Variants in RBL1 observed in about 807,000 individuals in gnomAD.
RBL1 encodes the protein retinoblastoma-like protein 1.
In RBL1, 82 loss-of-function variants were observed where a neutral mutation model predicts 123.0. The ratio of observed to expected loss-of-function variants is 0.67; its 90% CI spans 0.56 to 0.80. The LOEUF is 0.80. Among genes scored for constraint, RBL1 ranks in the 30% least tolerant of loss-of-function variants. RBL1 has a pLI of 0.00. For synonymous variants in RBL1, 405 were observed against 441.3 expected, an observed-to-expected ratio of 0.92 and a Z score of 1.03; for missense variants, 1,171 against 1,299.6, an observed-to-expected ratio of 0.90 and a Z score of 1.52.
Position 37,012,544 on chromosome 20 carries a change from T to C in RBL1, c.2723-4985A>G, listed in dbSNP as rs561004339. On this transcript the variant is annotated intron_variant, in intron 19 of 21. Coordinates refer to ENST00000373664, the MANE Select transcript of RBL1 (RefSeq NM_002895.5). The stretch of plus-strand genomic sequence containing the variant: ...CCGTCTGGGATGTGAGGAGCGCCTC[T>C]ACCCGGCCGCGACCCCGTCTGGGAG... 2.0e-5 allele frequency among the ~76,000 whole-genome samples: 3 copies of C among 148,552 alleles called. No homozygotes were observed. In the East Asian group the frequency reaches 6.0e-4, roughly 30 times the overall value.
chr20:37,068,661 TTATTCTC>T (rs2065223803), intron 2 of RBL1, among the ~76,000 whole-genome samples: 1 of 152,150 alleles, frequency 6.6e-6, no homozygotes, highest in African/African-American at 2.4e-5. Context: ...TCTACTTCCT[TTATTCTC>T]TATATTACCT....
rs973564484 is a variant in RBL1, at chr20:36,998,384, C to T, written c.*375G>A. 13 of 157,318 alleles carry T rather than the reference C, an allele frequency of 8.3e-5. No individual in the cohort carries two copies. Among genetic ancestry groups the T allele is most frequent in the Non-Finnish European group, 1.8e-4 (13 of 71,476 alleles). The allele number at this position is 157,318 out of a possible 1,614,324, so 9.7% of individuals were successfully genotyped here. A position where few individuals can be genotyped will look rare whatever the true frequency, so the allele number is the denominator to read the frequency against. On this transcript the variant is annotated 3_prime_UTR_variant, in exon 22 of 22. Coordinates refer to ENST00000373664, the MANE Select transcript of RBL1 (RefSeq NM_002895.5). ...GGATTACAGGCATGCGCCACCACAC[C>T]CGGCTAATTTTGTATTTTTAGTAGA... is the stretch of plus-strand genomic sequence containing the variant.
At chr20:37,077,364 A>C (rs1342702401) in intron 2 of RBL1, among the ~76,000 whole-genome samples, 3 of 152,230 alleles carry the variant, frequency 2.0e-5, no homozygotes, top group Non-Finnish European at 1.5e-5. Flanking sequence ...GAAGGTGTTT[A>C]TTAGATGAAA....
At chr20:37,067,909 A>G in intron 3 of RBL1, 77 bp downstream of exon 3, 1 of 1,485,560 alleles carries the variant, frequency 6.7e-7, no homozygotes. Context: ...TTCATAAAAA[A>G]CAGACTTTCA....
chr20:37,035,583 G>T (rs1395298175), intron 14 of RBL1, 75 bp from the exon 15 acceptor site: 5 of 1,258,012 alleles, frequency 4.0e-6, no homozygotes, highest in Non-Finnish European at 2.1e-6. Context: ...TCACTCAACA[G>T]ATAGTGAGTT....
rs183354482 is a variant in RBL1 at position 37,046,982 on chromosome 20, C to G, written c.1605+71G>C. ...ATCACAACAGTGTTTTTCTTCAGCA[C>G]TAAGATAAATACAATGTTTCTGTGA... On this transcript the variant is annotated intron_variant, in intron 12 of 21. Coordinates refer to ENST00000373664, the MANE Select transcript of RBL1 (RefSeq NM_002895.5). 12 of 1,482,124 alleles carry G rather than the reference C, an allele frequency of 8.1e-6. No homozygotes were observed. In the African/African-American group the frequency reaches 1.4e-4, roughly 18 times the overall value. 91.8% of individuals were successfully genotyped at this position (1,482,124 alleles called of 1,614,324 possible).
Position 37,060,734 on chromosome 20 carries a change from G to A in RBL1, c.1250+369C>T, listed in dbSNP as rs1240128706. On this transcript the variant is annotated intron_variant, in intron 9 of 21. Transcript: ENST00000373664. ...GGAGGTGGAGGCTGCAGTGAGCTGTGATTGCGGCACTGCACTCCAGCCTGG... is the reference window on the plus strand; with the variant it reads ...GGAGGTGGAGGCTGCAGTGAGCTGTAATTGCGGCACTGCACTCCAGCCTGG... Among the ~76,000 whole-genome samples the A allele has an allele frequency of 3.3e-5, 5 of 151,694 alleles. No homozygotes were observed. The South Asian group carries it at 6.2e-4, about 19-fold the overall frequency.
At chr20:37,044,389 G>A (rs2064783399) in intron 12 of RBL1, 139 bp from the exon 13 acceptor site, 6 of 762,678 alleles carry the variant, frequency 7.9e-6, no homozygotes, top group Non-Finnish European at 8.1e-6. Context: ...CCAGGCTGGA[G>A]TACAGTGGTG....
chr20:36,999,210 C>T (rs1488502414), intron 21 of RBL1, among the ~76,000 whole-genome samples: 2 of 151,830 alleles, frequency 1.3e-5, no homozygotes, highest in Non-Finnish European at 2.9e-5. Flanking sequence ...AGTTTCAGAC[C>T]AGCCTGGGCA....
intron 12 of RBL1, among the ~76,000 whole-genome samples, chr20:37,045,949 ATTAGTC>A (rs2064811968): frequency 6.6e-6 from 1 of 152,238 alleles, no homozygotes; most frequent in Admixed American, 6.5e-5. Context: ...TAACAGTAGC[ATTAGTC>A]TTAAAGTTCG....
intron 10 of RBL1, among the ~76,000 whole-genome samples, chr20:37,055,874 C>T (rs899265195): frequency 1.4e-4 from 22 of 152,130 alleles, no homozygotes; most frequent in African/African-American, 5.1e-4. Flanking sequence ...CATGGTGAAA[C>T]TCCATCTCTA....
chr20:37,051,242 C>T (rs905563265), intron 11 of RBL1, among the ~76,000 whole-genome samples: 14 of 151,528 alleles, frequency 9.2e-5, no homozygotes, highest in African/African-American at 1.5e-4. Flanking sequence ...AGTGCAATGG[C>T]GTGATCTCAG....
At chr20:37,034,029 C>T (rs1029333323) in intron 15 of RBL1, among the ~76,000 whole-genome samples, 4 of 149,898 alleles carry the variant, frequency 2.7e-5, no homozygotes, top group Admixed American at 2.0e-4. Flanking sequence ...GCCTCAAATT[C>T]CTGGGCTCAA....
chr20:37,056,490 G>A (rs1171566995), intron 9 of RBL1, among the ~76,000 whole-genome samples: 1 of 151,830 alleles, frequency 6.6e-6, no homozygotes, highest in Non-Finnish European at 1.5e-5. Flanking sequence ...AAGTAGCTGG[G>A]ATTATAGGCG....
In RBL1 at chr20:37,007,426, C is replaced by T. The variant is rs370502068; in HGVS notation, c.2856G>A (p.Ala952=). ...VKSFALKYDL[A]NQDHMMDAPP... ...TAGAACATACCATATGGTCCTGATT[C>T]GCCAAGTCGTATTTCAGTGCAAATG... Residue 952 remains alanine, a synonymous_variant, in exon 20 of 22, where the codon GCG becomes GCA. Transcript: ENST00000373664. 5 of 1,613,618 alleles carry T rather than the reference C, an allele frequency of 3.1e-6. No homozygotes were observed. Among genetic ancestry groups the T allele is most frequent in the South Asian group, 1.1e-5 (1 of 90,970 alleles).
At chr20:37,021,389 AAC>A (rs1395693785) in intron 17 of RBL1, among the ~76,000 whole-genome samples, 4 of 152,116 alleles carry the variant, frequency 2.6e-5, no homozygotes, top group Admixed American at 1.3e-4. Context: ...CCTGAACTCT[AAC>A]AGTCTTCTGG....
At chr20:37,043,186 A>ACACACAC (rs1380494373) in intron 13 of RBL1, among the ~76,000 whole-genome samples, 1 of 151,026 alleles carries the variant, frequency 6.6e-6, no homozygotes, top group Non-Finnish European at 1.5e-5. Flanking sequence ...ACACACACAC[A>ACACACAC]ATTAGCCGGG....
intron 16 of RBL1, 94 bp downstream of exon 16, chr20:37,032,571 A>G: frequency 6.5e-7 from 1 of 1,541,216 alleles, no homozygotes; most frequent in East Asian, 2.3e-5. Flanking sequence ...TGTTATGTAT[A>G]TTAGAAAAAA....
At chr20:37,089,443 G>A (rs1445574372) in intron 1 of RBL1, among the ~76,000 whole-genome samples, 1 of 151,812 alleles carries the variant, frequency 6.6e-6, no homozygotes, top group Non-Finnish European at 1.5e-5. Flanking sequence ...TTGATGCCAG[G>A]AGTTTAAGAC....
Sources: gnomAD v4.1 joint callset for allele counts (sites outside exome capture counted in the v4.1 genomes callset) on GRCh38, gnomAD v4.1.1 for gene constraint, MANE v1.5 for transcripts, NCBI Gene and HGNC (gene_info 2026-07-23, HGNC 2026-07-21) for gene names.